SCAF8: variants seen among roughly 807,000 people sequenced by gnomAD.
SCAF8 encodes the protein SR-related and CTD-associated factor 8.
In SCAF8, 23 loss-of-function variants were observed where a neutral mutation model predicts 140.5. That is an observed-to-expected ratio of 0.16 (90% CI 0.12 to 0.23). SCAF8 has a LOEUF of 0.23. Ranked by LOEUF, SCAF8 falls within the 10% of genes least tolerant of loss-of-function variation. The probability of loss-of-function intolerance (pLI) is 1.00; values close to 1 mark genes in which losing one functional copy is unlikely to be tolerated. For synonymous variants in SCAF8, 575 were observed against 528.9 expected (o/e 1.09, Z -1.20); for missense variants, 1,397 against 1,555.7 (o/e 0.90, Z 1.72).
chr6:154,827,250 C>T lies in SCAF8; in HGVS notation c.2140+10C>T, dbSNP rs184103324. ...CCAGTAGTACCAACATGTAAGTTTT[C>T]TACTTTTAGAGTTTTCTTTATTCAT... On this transcript the variant is annotated intron_variant, in intron 18 of 19. Transcript: ENST00000367178. The T allele has an allele frequency of 4.6e-3, 7,344 of 1,582,054 alleles. 44 individuals are homozygous for T. Among genetic ancestry groups the T allele is most frequent in the Middle Eastern group, 0.033 (199 of 5,982 alleles).
intron 1 of SCAF8, among the ~76,000 whole-genome samples, chr6:154,741,099 ATTATG>A (rs1295253477): frequency 7.9e-5 from 12 of 152,162 alleles, no homozygotes; most frequent in Non-Finnish European, 1.2e-4. Context: ...TTGTCTAGTA[ATTATG>A]TTATTTTCAA....
rs553061653 is a variant in SCAF8, at chr6:154,797,521, G to A, written c.606+2382G>A. On this transcript the variant is annotated intron_variant, in intron 6 of 19. Transcript: ENST00000367178. ...AGTGATTCTCCTGCCTCAGCCTCCC[G>A]AGTAGCTGGGACTATAGGCACCTGC... 4.6e-5 allele frequency among the ~76,000 whole-genome samples: 7 copies of A among 151,226 alleles called. No homozygotes were observed. In the South Asian group the frequency reaches 1.5e-3, roughly 32 times the overall value.
rs201759775 is a variant in SCAF8 at position 154,831,029 on chromosome 6, G to T, written c.2248G>T (p.Ala750Ser). The stretch of plus-strand genomic sequence containing the variant: ...TGTTGCCAGCAATCTTGCTACTTCC[G>T]CTCTGCCAGCTGGAAATGTTTTTAA... ...GSVASNLATSALPAGNVFNAP... is the reference protein window; with the variant it reads ...GSVASNLATSSLPAGNVFNAP... The change falls in exon 19 of 20, where the codon GCT becomes TCT. Residue 750 changes from alanine to serine, a missense_variant. Physicochemically the swap from Ala to Ser is moderately conservative, Grantham distance 99 (BLOSUM62 1). Around this residue, in one of 5 missense-constraint regions of SCAF8, gnomAD observed 930 missense variants for 874.6 expected, o/e 1.06. Transcript: ENST00000367178. 2 of 1,613,958 alleles carry T rather than the reference G, an allele frequency of 1.2e-6. No homozygotes were observed. Among genetic ancestry groups the T allele is most frequent in the Non-Finnish European group, 1.7e-6 (2 of 1,179,912 alleles).
At position 154,832,105 on chromosome 6, in the gene SCAF8, A is replaced by G. The variant is rs1295846561; in HGVS notation, c.2526A>G (p.Ala842=). The part of the protein sequence containing the change: ...SNVSSSSGII[A]AQPPNILNNS... ...TTTCCAGTAGTTCTGGGATTATTGCAGCCCAACCACCAAATATTCTAAATA... is the reference window on the plus strand; with the variant it reads ...TTTCCAGTAGTTCTGGGATTATTGCGGCCCAACCACCAAATATTCTAAATA... The change falls in exon 20 of 20, where the codon GCA becomes GCG. Residue 842 remains alanine, a synonymous_variant. Coordinates refer to ENST00000367178, the MANE Select transcript of SCAF8 (RefSeq NM_014892.5). 2 of 1,613,968 alleles carry G rather than the reference A, an allele frequency of 1.2e-6. No individual in the cohort carries two copies. The highest frequency in any genetic ancestry group is 3.3e-5 in the Admixed American group (2 of 59,982).
Position 154,832,818 on chromosome 6 carries a change from G to A in SCAF8, c.3239G>A (p.Gly1080Asp), listed in dbSNP as rs2114702750. 1 of 1,614,026 alleles carries A rather than the reference G, an allele frequency of 6.2e-7. No individual in the cohort carries two copies. Among genetic ancestry groups the A allele is most frequent in the Non-Finnish European group, 8.5e-7 (1 of 1,180,010 alleles). Residue 1080 changes from glycine (G) to aspartate (D), a missense_variant, in exon 20 of 20, where the codon GGT becomes GAT. Coordinates refer to ENST00000367178, the MANE Select transcript of SCAF8 (RefSeq NM_014892.5). ...GTGAGGCCAGGTATAGATCATCTTGGTCGAAGAGACCACTTTGGCTTTAAT... is the reference window on the plus strand; with the variant it reads ...GTGAGGCCAGGTATAGATCATCTTGATCGAAGAGACCACTTTGGCTTTAAT... The part of the protein sequence containing the change: ...NLVRPGIDHL[G>D]RRDHFGFNPE...
intron 2 of SCAF8, 43 bp downstream of exon 2, chr6:154,774,115 T>G: frequency 7.9e-7 from 1 of 1,267,514 alleles, no homozygotes; most frequent in Non-Finnish European, 1.2e-6. Flanking sequence ...AAGAAAAAAC[T>G]ATATTAATAG....
At chr6:154,777,976 A>AT (rs777071850) in intron 2 of SCAF8, 25 bp from the exon 3 acceptor site, 1 of 1,428,910 alleles carries the variant, frequency 7.0e-7, no homozygotes. Flanking sequence ...TTTTAAAACC[A>AT]TACTTCATTT....
intron 1 of SCAF8, among the ~76,000 whole-genome samples, chr6:154,751,593 A>G (rs1385236938): frequency 2.6e-5 from 4 of 152,188 alleles, no homozygotes; most frequent in Non-Finnish European, 5.9e-5. Flanking sequence ...AGGAATCAAG[A>G]TTCAGAAATG....
Position 154,832,656 on chromosome 6 carries a change from G to A in SCAF8, c.3077G>A (p.Ser1026Asn), listed in dbSNP as rs1355671125. Reference protein sequence around the residue: ...YRFPPIETRESISRPPPVDVR... With the variant: ...YRFPPIETRENISRPPPVDVR... ...TTTCCTCCTATAGAAACCAGGGAAA[G>A]CATTAGTAGACCTCCCCCTGTGGAT... Residue 1026 changes from serine (S) to asparagine (N), a missense_variant, in exon 20 of 20, where the codon AGC (serine) becomes AAC (asparagine). Coordinates refer to ENST00000367178, the MANE Select transcript of SCAF8 (RefSeq NM_014892.5). The A allele has an allele frequency of 3.1e-6, 5 of 1,614,116 alleles. No homozygotes were observed. The highest frequency in any genetic ancestry group is 2.2e-5 in the East Asian group (1 of 44,878).
chr6:154,817,690 G>A (rs1410288844), intron 13 of SCAF8, among the ~76,000 whole-genome samples: 2 of 152,176 alleles, frequency 1.3e-5, no homozygotes, highest in African/African-American at 2.4e-5. Flanking sequence ...GCAAGGCTGA[G>A]GAAAAGGTTT....
intron 11 of SCAF8, among the ~76,000 whole-genome samples, chr6:154,809,218 C>T (rs1250806903): frequency 6.6e-6 from 1 of 152,022 alleles, no homozygotes; most frequent in East Asian, 1.9e-4. Flanking sequence ...AATACCAAAC[C>T]GTTAGGAAAC....
At chr6:154,826,737 A>C (rs1778576419) in intron 17 of SCAF8, among the ~76,000 whole-genome samples, 1 of 152,240 alleles carries the variant, frequency 6.6e-6, no homozygotes, top group African/African-American at 2.4e-5. Flanking sequence ...AATTGAAATC[A>C]TTAAAAAGCC....
chr6:154,737,239 C>T (rs1482403653), intron 1 of SCAF8, among the ~76,000 whole-genome samples: 1 of 152,184 alleles, frequency 6.6e-6, no homozygotes, highest in Non-Finnish European at 1.5e-5. Flanking sequence ...TGGGTTTAAT[C>T]CATCACAACT....
At position 154,797,373 on chromosome 6, in the gene SCAF8, T is replaced by C. The variant is rs534747217; in HGVS notation, c.606+2234T>C. Reference sequence around the variant, plus strand: ...CCTTTTTGATCCATCATTTTAATTCTTTGCAAGATTAATCTTTATCAGTGA... The same window carrying C: ...CCTTTTTGATCCATCATTTTAATTCCTTGCAAGATTAATCTTTATCAGTGA... On this transcript the variant is annotated intron_variant, in intron 6 of 19. Coordinates refer to ENST00000367178, the MANE Select transcript of SCAF8 (RefSeq NM_014892.5). Among the ~76,000 whole-genome samples the C allele has an allele frequency of 6.7e-4, 101 of 151,598 alleles. 4 individuals are homozygous for C. The South Asian group carries it at 0.021, about 31-fold the overall frequency.
Position 154,795,776 on chromosome 6 carries a change from C to G in SCAF8, c.606+637C>G, listed in dbSNP as rs533150435. ...ATAGAGGGGAATCACAAAACATGTA[C>G]GAATTGATTCAGGAATGGGAAGGAT... is the stretch of plus-strand genomic sequence containing the variant. On this transcript the variant is annotated intron_variant, in intron 6 of 19. Transcript: ENST00000367178. Among the ~76,000 whole-genome samples the G allele has an allele frequency of 6.6e-5, 10 of 152,194 alleles. 1 individual carries two copies. The South Asian group carries it at 1.0e-3, about 16-fold the overall frequency.
chr6:154,737,359 A>G (rs981466593), intron 1 of SCAF8, among the ~76,000 whole-genome samples: 15 of 152,198 alleles, frequency 9.9e-5, no homozygotes, highest in Admixed American at 7.2e-4. Context: ...TGTCAACAAG[A>G]TATTTTGATA....
intron 1 of SCAF8, among the ~76,000 whole-genome samples, chr6:154,738,858 C>T (rs966986728): frequency 2.0e-5 from 3 of 152,164 alleles, no homozygotes; most frequent in Non-Finnish European, 4.4e-5. Context: ...ATGTGGAGGT[C>T]ATTCTGGTAG....
At chr6:154,763,037 T>C (rs917610098) in intron 1 of SCAF8, among the ~76,000 whole-genome samples, 1 of 152,190 alleles carries the variant, frequency 6.6e-6, no homozygotes, top group Non-Finnish European at 1.5e-5. Context: ...GTTTTCCTCC[T>C]TGGTTGTATT....
chr6:154,793,899 T>TG (rs112389102), intron 5 of SCAF8, among the ~76,000 whole-genome samples: 2 of 87,376 alleles, frequency 2.3e-5, no homozygotes, highest in African/African-American at 6.6e-5. Context: ...TTTGTATGTA[T>TG]TTTGTGTGTG....
Sources: allele counts gnomAD v4.1 joint callset (sites outside exome capture counted in the v4.1 genomes callset), GRCh38; gene constraint gnomAD v4.1.1; regional missense constraint gnomAD v4.1.1; transcripts MANE v1.5; gene names NCBI Gene and HGNC (gene_info 2026-07-23, HGNC 2026-07-21).